Variants in KCNQ4 observed in about 807,000 individuals in gnomAD.
KCNQ4 encodes the protein potassium voltage-gated channel subfamily Q member 4.
KCNQ4 carries 31 observed loss-of-function variants against 72.6 expected under a neutral mutation model. The ratio of observed to expected loss-of-function variants is 0.43; its 90% CI spans 0.32 to 0.58. KCNQ4 has a LOEUF of 0.58. Ranked by LOEUF, KCNQ4 falls within the 20% of genes least tolerant of loss-of-function variation. The pLI, the probability that KCNQ4 is intolerant of heterozygous loss-of-function variation, is 0.08. For synonymous variants in KCNQ4, 405 were observed against 403.7 expected (o/e 1.00, Z -0.04); for missense variants, 869 against 962.6 (o/e 0.90, Z 1.29).
intron 1 of KCNQ4, among the ~76,000 whole-genome samples, chr1:40,807,210 T>G (rs1419931543): frequency 2.0e-5 from 3 of 152,102 alleles, no homozygotes; most frequent in Non-Finnish European, 4.4e-5. Context: ...GCGGCTGCTG[T>G]CCCTCCAGGG....
chr1:40,836,214 T>G (rs949831835), intron 12 of KCNQ4, among the ~76,000 whole-genome samples: 1 of 152,038 alleles, frequency 6.6e-6, no homozygotes, highest in Non-Finnish European at 1.5e-5. Context: ...GGACAAGTGG[T>G]CAGATTCTAG....
chr1:40,818,889 GACC>G (rs1648189050), intron 4 of KCNQ4: 1 of 635,108 alleles, frequency 1.6e-6, no homozygotes, highest in Non-Finnish European at 2.8e-6. Context: ...TAGGAGTCCG[GACC>G]GGATCAGGGG....
At position 40,810,703 on chromosome 1, in the gene KCNQ4, G is replaced by A. The variant is rs368099136; in HGVS notation, c.315-6562G>A. On this transcript the variant is annotated intron_variant, in intron 1 of 13. Transcript: ENST00000347132. ...GGTATGAAGAGAGAGACCTCAGCTG[G>A]ATCCAGGGACATCCCCAGAGAATCT... Among the ~76,000 whole-genome samples the A allele has an allele frequency of 2.6e-5, 4 of 152,286 alleles. No individual in the cohort carries two copies. In the East Asian group the frequency reaches 7.7e-4, roughly 29 times the overall value.
At chr1:40,815,805 T>A (rs967564277) in intron 1 of KCNQ4, among the ~76,000 whole-genome samples, 1 of 152,050 alleles carries the variant, frequency 6.6e-6, no homozygotes, top group South Asian at 2.1e-4. Flanking sequence ...CCCCACTTCA[T>A]AGATAACGAG....
intron 1 of KCNQ4, among the ~76,000 whole-genome samples, chr1:40,795,684 A>G (rs760147923): frequency 1.1e-4 from 17 of 151,976 alleles, no homozygotes; most frequent in Admixed American, 1.3e-4. Flanking sequence ...CATATGGGGG[A>G]GCGGGGCAGG....
chr1:40,823,868 T>C (rs1648389068), intron 8 of KCNQ4, among the ~76,000 whole-genome samples: 1 of 152,228 alleles, frequency 6.6e-6, no homozygotes, highest in Non-Finnish European at 1.5e-5. Flanking sequence ...GCCCTTGAGC[T>C]GTGCCAGCCT....
rs924350677 is a variant in KCNQ4 at position 40,817,476 on chromosome 1, G to T, written c.405+121G>T. On this transcript the variant is annotated intron_variant, in intron 2 of 13. Transcript: ENST00000347132. The surrounding 1 kb of genome is among the most constrained non-coding windows in gnomAD (Gnocchi z 5.5). ...TCTGGGCTGGGAGTCCGGGACTGAA[G>T]GGGGCTGTGTGAGGTAGCACCTCTG... 2.9e-6 allele frequency: 2 copies of T among 681,260 alleles called. No homozygotes were observed. The highest frequency in any genetic ancestry group is 5.0e-6 in the Non-Finnish European group (2 of 398,786). 42.2% of individuals were successfully genotyped at this position (681,260 alleles called of 1,614,324 possible).
At chr1:40,804,287 CCTT>C (rs1235294226) in intron 1 of KCNQ4, among the ~76,000 whole-genome samples, 1 of 152,164 alleles carries the variant, frequency 6.6e-6, no homozygotes, top group Admixed American at 6.5e-5. Flanking sequence ...GTGCCTGAGT[CCTT>C]CTACAGACAG....
chr1:40,810,605 A>G (rs1647907041), intron 1 of KCNQ4, among the ~76,000 whole-genome samples: 1 of 152,114 alleles, frequency 6.6e-6, no homozygotes, highest in Non-Finnish European at 1.5e-5. Context: ...CTGGCCTCCC[A>G]GCAGCTGTCC....
chr1:40,818,269 A>G lies in KCNQ4; in HGVS notation c.511A>G (p.Arg171Gly). The change falls in exon 3 of 14, where the codon AGA (arginine) becomes GGA (glycine). Residue 171 changes from arginine (R) to glycine (G), a missense_variant. Coordinates refer to ENST00000347132, the MANE Select transcript of KCNQ4 (RefSeq NM_004700.4). ...RGWQGRFRFA[R>G]KPFCVIDFIV... is the part of the protein sequence containing the mutation. ...ATGGCAGGGTCGCTTCCGCTTTGCC[A>G]GAAAGCCCTTCTGTGTCATCGGTAA... The G allele has an allele frequency of 6.2e-7, 1 of 1,613,916 alleles. No homozygotes were observed. The highest frequency in any genetic ancestry group is 8.5e-7 in the Non-Finnish European group (1 of 1,180,026).
Position 40,824,172 on chromosome 1 carries a change from G to T in KCNQ4, c.1206G>T (p.Ala402=). ...GGLRPLEVRR[A]PVPDGAPSRY... ...TACGGCCCCTGGAGGTGCGGCGGGC[G>T]CCGGTACCCGACGGAGCACCCTCCC... The change falls in exon 9 of 14, where the codon GCG becomes GCT. Residue 402 remains alanine (A), a synonymous_variant. Coordinates refer to ENST00000347132, the MANE Select transcript of KCNQ4 (RefSeq NM_004700.4). 1 of 1,558,366 alleles carries T rather than the reference G, an allele frequency of 6.4e-7. No individual in the cohort carries two copies. Among genetic ancestry groups the T allele is most frequent in the East Asian group, 2.4e-5 (1 of 41,236 alleles).
chr1:40,824,485 G>A (rs2148324497), intron 9 of KCNQ4, among the ~76,000 whole-genome samples: 1 of 152,248 alleles, frequency 6.6e-6, no homozygotes, highest in South Asian at 2.1e-4. Flanking sequence ...GGTCTGAGTG[G>A]GAGAGATGTC....
At chr1:40,823,373 T>C (rs1320473604) in intron 8 of KCNQ4, among the ~76,000 whole-genome samples, 1 of 151,854 alleles carries the variant, frequency 6.6e-6, no homozygotes, top group East Asian at 1.9e-4. Flanking sequence ...GGCTGGGCAT[T>C]CGAGAGTGGG....
intron 1 of KCNQ4, among the ~76,000 whole-genome samples, chr1:40,816,354 C>T (rs1648086731): frequency 6.6e-6 from 1 of 152,168 alleles, no homozygotes; most frequent in African/African-American, 2.4e-5. Context: ...CGCTCTCCTT[C>T]ACCCATCCAC....
chr1:40,820,179 C>T lies in KCNQ4; in HGVS notation c.960C>T (p.Ser320=), dbSNP rs755656004. 4.7e-5 allele frequency: 75 copies of T among 1,608,484 alleles called. No homozygotes were observed. The highest frequency in any genetic ancestry group is 2.5e-4 in the East Asian group (11 of 44,518). ...TATCCCTCTAGGGCATCCTAGGCTC[C>T]GGCTTTGCCCTGAAGGTCCAGGAGC... ...FFALPAGILG[S]GFALKVQEQH... The change falls in exon 7 of 14, where the codon TCC becomes TCT. Residue 320 remains serine, a synonymous_variant. Transcript: ENST00000347132.
chr1:40,824,457 G>A (rs1470659926), intron 9 of KCNQ4, among the ~76,000 whole-genome samples, 199 bp downstream of exon 9: 1 of 152,196 alleles, frequency 6.6e-6, no homozygotes, highest in African/African-American at 2.4e-5. Context: ...TCACCTTTTT[G>A]TCCTGTGGGG....
intron 1 of KCNQ4, among the ~76,000 whole-genome samples, chr1:40,792,740 G>T (rs1289709327): frequency 6.6e-6 from 1 of 152,104 alleles, no homozygotes; most frequent in Non-Finnish European, 1.5e-5. Context: ...ACAACCTGGG[G>T]ATGCACAGAG....
At chr1:40,809,931 G>C (rs1289850646) in intron 1 of KCNQ4, among the ~76,000 whole-genome samples, 1 of 152,032 alleles carries the variant, frequency 6.6e-6, no homozygotes, top group Non-Finnish European at 1.5e-5. Context: ...CGGGCGTGGT[G>C]GTAGGCACCT....
rs1035199850 is a variant in KCNQ4 at position 40,838,849 on chromosome 1, C to G, written c.*326C>G. On this transcript the variant is annotated 3_prime_UTR_variant, in exon 14 of 14. Transcript: ENST00000347132. Reference sequence around the variant, plus strand: ...AGGGGCACAGCCCCGGGAGTGGGAGCGGGCGCTGGGGCCCTGGGCCCTGAC... The same window carrying G: ...AGGGGCACAGCCCCGGGAGTGGGAGGGGGCGCTGGGGCCCTGGGCCCTGAC... 4.5e-6 allele frequency: 2 copies of G among 443,626 alleles called. No homozygotes were observed. Among genetic ancestry groups the G allele is most frequent in the Admixed American group, 7.0e-5 (2 of 28,444 alleles). 27.5% of individuals were successfully genotyped at this position (443,626 alleles called of 1,614,324 possible). A position where few individuals can be genotyped will look rare whatever the true frequency, so the allele number is the denominator to read the frequency against.
Sources: allele counts gnomAD v4.1 joint callset (sites outside exome capture counted in the v4.1 genomes callset), GRCh38; gene constraint gnomAD v4.1.1; non-coding constraint Gnocchi (gnomAD v3.1); transcripts MANE v1.5; gene names NCBI Gene and HGNC (gene_info 2026-07-23, HGNC 2026-07-21).